Variants in CDC42BPB observed in about 807,000 individuals in gnomAD.
CDC42BPB encodes the protein serine/threonine-protein kinase MRCK beta.
CDC42BPB carries 37 observed loss-of-function variants against 214.9 expected under a neutral mutation model. The ratio of observed to expected loss-of-function variants is 0.17; its 90% CI spans 0.13 to 0.23. The LOEUF (loss-of-function observed/expected upper bound fraction) is 0.23. Among genes scored for constraint, CDC42BPB ranks in the 10% least tolerant of loss-of-function variants. The probability of loss-of-function intolerance (pLI) is 1.00; values close to 1 mark genes in which losing one functional copy is unlikely to be tolerated. For missense variants in CDC42BPB, 1,694 were observed against 2,227.0 expected, an observed-to-expected ratio of 0.76 and a Z score of 4.82; for synonymous variants, 931 against 884.0, an observed-to-expected ratio of 1.05 and a Z score of -0.94.
chr14:102,984,095 G>A (rs781731870), intron 6 of CDC42BPB, among the ~76,000 whole-genome samples: 1 of 152,196 alleles, frequency 6.6e-6, no homozygotes, highest in African/African-American at 2.4e-5. Context: ...TCCTTTTGAA[G>A]CACTAAACAT....
At chr14:103,024,433 T>A (rs1287625964) in intron 1 of CDC42BPB, among the ~76,000 whole-genome samples, 1 of 152,170 alleles carries the variant, frequency 6.6e-6, no homozygotes, top group Non-Finnish European at 1.5e-5. Context: ...TACCCCGCAT[T>A]AAGAAGCAGG....
intron 1 of CDC42BPB, among the ~76,000 whole-genome samples, chr14:103,023,090 C>T (rs548005642): frequency 6.6e-6 from 1 of 151,796 alleles, no homozygotes; most frequent in South Asian, 2.1e-4. Context: ...CTCCCTGCAG[C>T]CTTATCTCCT....
In CDC42BPB at chr14:102,976,031, G is replaced by C. The variant is rs759849679; in HGVS notation, c.1239C>G (p.Gly413=). The C allele has an allele frequency of 6.2e-7, 1 of 1,610,988 alleles. No individual in the cohort carries two copies. The highest frequency in any genetic ancestry group is 1.3e-5 in the African/African-American group (1 of 74,860). ...FTTESCFSDR[G]SLKSIMQSNT... Reference sequence around the variant, plus strand: ...TGGACTGCATTATGCTCTTCAGAGAGCCTCGATCAGAAAAACAGCTGGGAA... The same window carrying C: ...TGGACTGCATTATGCTCTTCAGAGACCCTCGATCAGAAAAACAGCTGGGAA... Residue 413 remains glycine (G), a synonymous_variant, in exon 10 of 37, where the codon GGC becomes GGG. Coordinates refer to ENST00000361246, the MANE Select transcript of CDC42BPB (RefSeq NM_006035.4).
At chr14:103,015,448 C>T (rs148826067) in intron 1 of CDC42BPB, among the ~76,000 whole-genome samples, 113 of 152,202 alleles carry the variant, frequency 7.4e-4, no homozygotes, top group African/African-American at 2.2e-3. Flanking sequence ...GATCTCGCCA[C>T]TGCACTCCAG....
At chr14:103,025,980 G>A (rs1887030762) in intron 1 of CDC42BPB, among the ~76,000 whole-genome samples, 1 of 152,078 alleles carries the variant, frequency 6.6e-6, no homozygotes, top group African/African-American at 2.4e-5. Context: ...ATCTTCAAAT[G>A]GTACTGGGGT....
At position 103,049,420 on chromosome 14, in the gene CDC42BPB, G is replaced by A. The variant is rs541714521; in HGVS notation, c.175+7579C>T. ...CTGACTGCTGACACGTCAACTTCAC[G>A]TGAGAGAAATCAACCTGATTTTATT... On this transcript the variant is annotated intron_variant, in intron 1 of 36. Transcript: ENST00000361246. 2.6e-5 allele frequency among the ~76,000 whole-genome samples: 4 copies of A among 152,352 alleles called. No individual in the cohort carries two copies. In the East Asian group the frequency reaches 5.8e-4, roughly 22 times the overall value.
chr14:103,012,634 G>A (rs141123538), intron 1 of CDC42BPB, among the ~76,000 whole-genome samples: 334 of 152,162 alleles, frequency 2.2e-3, no homozygotes, highest in Non-Finnish European at 4.1e-3. Context: ...GTGAAATCTC[G>A]TCTCTACTAA....
intron 3 of CDC42BPB, among the ~76,000 whole-genome samples, chr14:103,005,167 C>CAA (rs59904134): frequency 2.6e-5 from 3 of 117,442 alleles, no homozygotes; most frequent in Non-Finnish European, 1.7e-5. Flanking sequence ...GACTCTGTCT[C>CAA]AAAAAAAAAA....
intron 7 of CDC42BPB, among the ~76,000 whole-genome samples, chr14:102,983,197 C>G (rs929789791): frequency 6.6e-6 from 1 of 152,160 alleles, no homozygotes; most frequent in Non-Finnish European, 1.5e-5. Flanking sequence ...TGGCTACCCC[C>G]GGGCGCCTCA....
At chr14:103,053,630 C>T (rs191744433) in intron 1 of CDC42BPB, among the ~76,000 whole-genome samples, 4,629 of 150,880 alleles carry the variant, frequency 0.031, 116 homozygotes, top group Non-Finnish European at 0.045. Flanking sequence ...GGCGTGATGG[C>T]GGGCGCCTGT....
intron 4 of CDC42BPB, among the ~76,000 whole-genome samples, chr14:103,000,615 C>T (rs1894934752): frequency 6.6e-6 from 1 of 152,248 alleles, no homozygotes; most frequent in African/African-American, 2.4e-5. Context: ...GTGCAAATTT[C>T]CTGTGAAGAG....
chr14:102,973,895 T>C, intron 12 of CDC42BPB, 121 bp downstream of exon 12: 1 of 1,256,106 alleles, frequency 8.0e-7, no homozygotes, highest in Non-Finnish European at 1.1e-6. Flanking sequence ...GCGTCCTGCA[T>C]GCAGCAGGGA....
intron 1 of CDC42BPB, among the ~76,000 whole-genome samples, chr14:103,046,756 C>T (rs1199011221): frequency 1.3e-5 from 2 of 151,886 alleles, no homozygotes; most frequent in Non-Finnish European, 2.9e-5. Flanking sequence ...TGGGTTCAAG[C>T]GATTCTCCTG....
chr14:102,969,278 G>A (rs1893364233), intron 14 of CDC42BPB, among the ~76,000 whole-genome samples: 1 of 152,250 alleles, frequency 6.6e-6, no homozygotes, highest in African/African-American at 2.4e-5. Flanking sequence ...AGGCCAGTGT[G>A]TCTGGTGTGG....
intron 1 of CDC42BPB, among the ~76,000 whole-genome samples, chr14:103,031,256 A>ACTT (rs939402580): frequency 1.3e-5 from 2 of 152,114 alleles, no homozygotes; most frequent in Non-Finnish European, 2.9e-5. Context: ...GCAGTAATAA[A>ACTT]CAGGAAGGAA....
intron 30 of CDC42BPB, among the ~76,000 whole-genome samples, chr14:102,942,754 G>C (rs980150114): frequency 1.3e-5 from 2 of 152,014 alleles, no homozygotes; most frequent in Non-Finnish European, 2.9e-5. Context: ...GCCCAGGCTA[G>C]AGTGCAGTGG....
intron 1 of CDC42BPB, among the ~76,000 whole-genome samples, chr14:103,029,561 AG>A (rs1370608551): frequency 2.7e-5 from 4 of 149,934 alleles, no homozygotes; most frequent in Non-Finnish European, 4.4e-5. Context: ...AAAAAAAAAA[AG>A]AAATGCTAGA....
chr14:102,933,594 T>C lies in CDC42BPB; in HGVS notation c.*118A>G. 2.5e-6 allele frequency: 2 copies of C among 795,732 alleles called. No homozygotes were observed. Among genetic ancestry groups the C allele is most frequent in the Non-Finnish European group, 3.6e-6 (2 of 554,956 alleles). The allele number at this position is 795,732 out of a possible 1,614,324, so 49.3% of individuals were successfully genotyped here. Reference sequence around the variant, plus strand: ...ATAATAAAGATTTGTCTTCTTCATCTCCATATCTACAAAGTGATTCTACAT... The same window carrying C: ...ATAATAAAGATTTGTCTTCTTCATCCCCATATCTACAAAGTGATTCTACAT... On this transcript the variant is annotated 3_prime_UTR_variant, in exon 37 of 37. Transcript: ENST00000361246.
At chr14:102,989,209 C>T (rs1405145508) in intron 5 of CDC42BPB, among the ~76,000 whole-genome samples, 1 of 152,166 alleles carries the variant, frequency 6.6e-6, no homozygotes, top group African/African-American at 2.4e-5. Flanking sequence ...TTGTGTACCA[C>T]CTGTCACCCA....
Sources: gnomAD v4.1 joint callset for allele counts (sites outside exome capture counted in the v4.1 genomes callset) on GRCh38, gnomAD v4.1.1 for gene constraint, MANE v1.5 for transcripts, NCBI Gene and HGNC (gene_info 2026-07-23, HGNC 2026-07-21) for gene names.